Variants in NEXN observed in about 807,000 individuals in gnomAD.
NEXN encodes the protein nexilin F-actin binding protein, also known as nexilin.
In NEXN, 65 loss-of-function variants were observed where a neutral mutation model predicts 92.6. The observed-to-expected ratio is 0.70, with a 90% confidence interval of 0.57 to 0.86. NEXN has a LOEUF of 0.86. Ranked by LOEUF, NEXN falls within the 40% of genes least tolerant of loss-of-function variation. The pLI is 0.00. For missense variants in NEXN, 778 were observed against 771.1 expected, an observed-to-expected ratio of 1.01 and a Z score of -0.11; for synonymous variants, 254 against 242.5, an observed-to-expected ratio of 1.05 and a Z score of -0.44.
At chr1:77,900,486 G>GC (rs1647612764) in intron 1 of NEXN, among the ~76,000 whole-genome samples, 1 of 152,010 alleles carries the variant, frequency 6.6e-6, no homozygotes, top group Non-Finnish European at 1.5e-5. Flanking sequence ...GTATCCCATT[G>GC]CCAGGCATAC....
At chr1:77,903,775 A>G (rs571407513) in intron 1 of NEXN, among the ~76,000 whole-genome samples, 12 of 152,180 alleles carry the variant, frequency 7.9e-5, no homozygotes, top group African/African-American at 2.9e-4. Context: ...AAATACAGAA[A>G]TTAGCTGTGT....
chr1:77,900,226 G>A (rs1354261422), intron 1 of NEXN, among the ~76,000 whole-genome samples: 1 of 151,866 alleles, frequency 6.6e-6, no homozygotes, highest in Non-Finnish European at 1.5e-5. Context: ...TCTTTTTCCT[G>A]GATGCCTTTA....
intron 5 of NEXN, 91 bp downstream of exon 5, chr1:77,918,364 T>C (rs967513045): frequency 1.4e-6 from 2 of 1,390,226 alleles, no homozygotes; most frequent in Non-Finnish European, 2.0e-6. Flanking sequence ...AATATTTTAA[T>C]GTAACATAAA....
In NEXN at chr1:77,942,500, A is replaced by G. The variant is rs1296547504; in HGVS notation, c.1699A>G (p.Asn567Asp). 6.2e-7 allele frequency: 1 copy of G among 1,613,916 alleles called. No individual in the cohort carries two copies. The highest frequency in any genetic ancestry group is 8.5e-7 in the Non-Finnish European group (1 of 1,179,844). Residue 567 changes from asparagine to aspartate, a missense_variant, in exon 13 of 13, where the codon AAT becomes GAT. Asn to Asp is a conservative substitution (Grantham distance 23, BLOSUM62 1). This residue lies in a region of NEXN where 532 missense variants were observed against 476.7 expected (regional missense o/e 1.12). Transcript: ENST00000334785. ...EEEEEEGSIM[N>D]GSTAEDEEQT... is the part of the protein sequence containing the mutation. ...GGAGGAGGAAGAAGGTAGCATCATG[A>G]ATGGCTCCACTGCTGAAGATGAAGA...
chr1:77,901,228 T>A (rs754046256), intron 1 of NEXN, among the ~76,000 whole-genome samples: 3 of 152,152 alleles, frequency 2.0e-5, no homozygotes, highest in Non-Finnish European at 4.4e-5. Context: ...GAGACTTCAA[T>A]CAAAACAACA....
chr1:77,938,930 TAATG>T, intron 11 of NEXN, among the ~76,000 whole-genome samples: 1 of 152,336 alleles, frequency 6.6e-6, no homozygotes, highest in East Asian at 1.9e-4. Flanking sequence ...TGTGGCTAGT[TAATG>T]AAAGTCTTTT....
intron 7 of NEXN, 28 bp downstream of exon 7, chr1:77,926,639 GAAAC>G (rs879889074): frequency 1.9e-6 from 3 of 1,613,728 alleles, no homozygotes; most frequent in African/African-American, 1.3e-5. Context: ...TGTTTTCTAA[GAAAC>G]AAATCAAGGC....
chr1:77,930,516 G>C (rs950664857), intron 9 of NEXN, among the ~76,000 whole-genome samples: 15 of 152,128 alleles, frequency 9.9e-5, no homozygotes, highest in African/African-American at 2.9e-4. Flanking sequence ...AAGAAATTTT[G>C]ATTGTGTTTT....
intron 5 of NEXN, among the ~76,000 whole-genome samples, chr1:77,919,582 ATTT>A (rs71075777): frequency 3.0e-5 from 4 of 131,970 alleles, no homozygotes; most frequent in Admixed American, 8.0e-5. Flanking sequence ...CAGGTCAGTC[ATTT>A]TTTTTTTTTT....
chr1:77,893,461 T>A (rs548536095), intron 1 of NEXN, among the ~76,000 whole-genome samples: 1 of 152,250 alleles, frequency 6.6e-6, no homozygotes, highest in African/African-American at 2.4e-5. Flanking sequence ...GTATTTAGTT[T>A]AGCATAAATT....
chr1:77,925,068 C>T lies in NEXN; in HGVS notation c.448-120C>T, dbSNP rs1649740059. 7.4e-6 allele frequency: 5 copies of T among 677,808 alleles called. No individual in the cohort carries two copies. The East Asian group carries it at 1.4e-4, about 19-fold the overall frequency. 42.0% of individuals were successfully genotyped at this position (677,808 alleles called of 1,614,324 possible). On this transcript the variant is annotated intron_variant, in intron 5 of 12. Transcript: ENST00000334785. ...AATTTGGAACAACATAAACATATTT[C>T]AAAAATTATAAATTTGAAAATTTAC... is the stretch of plus-strand genomic sequence containing the variant.
Position 77,926,806 on chromosome 1 carries a change from G to GA in NEXN, c.782dup (p.Asn261LysfsTer7), listed in dbSNP as rs765101535. 6.2e-7 allele frequency: 1 copy of GA among 1,613,924 alleles called. No individual in the cohort carries two copies. The highest frequency in any genetic ancestry group is 8.5e-7 in the Non-Finnish European group (1 of 1,179,964). ...TGAAGAACTGGAGCGACAAAGACAA[G>GA]AAAACCGAAAGAAGCAAGCTGAAGA... On this transcript the variant is annotated frameshift_variant, in exon 8 of 13. Transcript: ENST00000334785. LOFTEE classifies it high-confidence loss of function.
At chr1:77,918,659 T>G (rs1315676518) in intron 5 of NEXN, among the ~76,000 whole-genome samples, 4 of 127,108 alleles carry the variant, frequency 3.1e-5, no homozygotes, top group Admixed American at 2.7e-4. Context: ...GGGCAAGACC[T>G]ATCTCAAAGA....
chr1:77,939,106 A>G (rs1306734601), intron 11 of NEXN, among the ~76,000 whole-genome samples: 5 of 152,208 alleles, frequency 3.3e-5, no homozygotes. Context: ...CTAAATAACA[A>G]AACTAGGTTA....
chr1:77,922,119 T>A (rs1649469603), intron 5 of NEXN, among the ~76,000 whole-genome samples: 1 of 148,188 alleles, frequency 6.7e-6, no homozygotes, highest in Admixed American at 7.0e-5. Flanking sequence ...GAGTTGTGAG[T>A]ATTCTTTTAA....
intron 10 of NEXN, among the ~76,000 whole-genome samples, chr1:77,935,540 T>G (rs1650679292): frequency 1.3e-5 from 2 of 152,250 alleles, no homozygotes; most frequent in African/African-American, 4.8e-5. Flanking sequence ...CCATTTTGAG[T>G]TAGTAAATTT....
At chr1:77,942,288 AT>A in intron 12 of NEXN, 80 bp downstream of exon 12, 1 of 1,485,716 alleles carries the variant, frequency 6.7e-7, no homozygotes. Context: ...GGTTAAAAAA[AT>A]GTTTTAATGG....
At chr1:77,939,498 A>G (rs1295283956) in intron 11 of NEXN, among the ~76,000 whole-genome samples, 2 of 152,232 alleles carry the variant, frequency 1.3e-5, no homozygotes, top group East Asian at 3.8e-4. Flanking sequence ...TGGAAGGTAA[A>G]GAAAAGTTCA....
chr1:77,942,033 T>A lies in NEXN; in HGVS notation c.1484T>A (p.Val495Asp), dbSNP rs779810551. 3.1e-6 allele frequency: 5 copies of A among 1,612,842 alleles called. No individual in the cohort carries two copies. In the South Asian group the frequency reaches 3.3e-5, roughly 11 times the overall value. ...EAENFHEEDD[V>D]DVRPARKSEA... is the part of the protein sequence containing the mutation. ...CCCACTTTCTTGCAGGAAGATGATG[T>A]TGATGTTAGGCCTGCAAGAAAAAGC... The change falls in exon 12 of 13, where the codon GTT becomes GAT. Residue 495 changes from valine (V) to aspartate (D), a missense_variant. This residue lies in a region of NEXN where 532 missense variants were observed against 476.7 expected (regional missense o/e 1.12). Coordinates refer to ENST00000334785, the MANE Select transcript of NEXN (RefSeq NM_144573.4).
Sources: gnomAD v4.1 joint callset for allele counts (sites outside exome capture counted in the v4.1 genomes callset) on GRCh38, gnomAD v4.1.1 for gene constraint, gnomAD v4.1.1 regional missense constraint, MANE v1.5 for transcripts, NCBI Gene and HGNC (gene_info 2026-07-23, HGNC 2026-07-21) for gene names.